UBE2Z: variants seen among roughly 807,000 people sequenced by gnomAD.
UBE2Z encodes the protein ubiquitin-conjugating enzyme E2 Z.
UBE2Z carries 10 observed loss-of-function variants against 32.6 expected under a neutral mutation model. The ratio of observed to expected loss-of-function variants is 0.31; its 90% CI spans 0.19 to 0.52. The LOEUF (loss-of-function observed/expected upper bound fraction) is 0.52. UBE2Z is among the 20% of genes least tolerant of loss of function. The probability of loss-of-function intolerance (pLI) is 0.97; values close to 1 mark genes in which losing one functional copy is unlikely to be tolerated. For missense variants in UBE2Z, 343 were observed against 480.9 expected, an observed-to-expected ratio of 0.71 and a Z score of 2.68; for synonymous variants, 183 against 190.8, an observed-to-expected ratio of 0.96 and a Z score of 0.34.
chr17:48,927,328 G>A lies in UBE2Z; in HGVS notation c.*194G>A. The A allele has an allele frequency of 1.7e-6, 1 of 596,230 alleles. No individual in the cohort carries two copies. Among genetic ancestry groups the A allele is most frequent in the Non-Finnish European group, 2.9e-6 (1 of 342,030 alleles). 36.9% of individuals were successfully genotyped at this position (596,230 alleles called of 1,614,324 possible). On this transcript the variant is annotated 3_prime_UTR_variant, in exon 7 of 7. Coordinates refer to ENST00000360943, the MANE Select transcript of UBE2Z (RefSeq NM_023079.5). The stretch of plus-strand genomic sequence containing the variant: ...TCCCGGTCTGACCTCCTTGGCACTG[G>A]AGCATCTGGGGCTTCGTTCATCCAT...
intron 3 of UBE2Z, among the ~76,000 whole-genome samples, chr17:48,915,148 C>T (rs1024819567): frequency 3.3e-5 from 5 of 151,954 alleles, no homozygotes; most frequent in Admixed American, 2.6e-4. Flanking sequence ...AGAAATTTAA[C>T]GAGAGTTGAC....
At position 48,928,226 on chromosome 17, in the gene UBE2Z, C is replaced by T. The variant is rs1057902; in HGVS notation, c.*1092C>T. ...CTCCTCCCCTTCTTTCTCTTCCTTC[C>T]GCCTCCCCCGTGCCCCCAGCTGCTC... On this transcript the variant is annotated 3_prime_UTR_variant, in exon 7 of 7. Transcript: ENST00000360943. 61,648 of 152,148 alleles carry T rather than the reference C, an allele frequency of 0.41. 14,960 individuals are homozygous for T. Among genetic ancestry groups the T allele is most frequent in the East Asian group, 0.7 (3,626 of 5,160 alleles). 9.4% of individuals were successfully genotyped at this position (152,148 alleles called of 1,614,324 possible). A position where few individuals can be genotyped will look rare whatever the true frequency, so the allele number is the denominator to read the frequency against.
intron 6 of UBE2Z, among the ~76,000 whole-genome samples, chr17:48,924,678 T>C (rs1191952438): frequency 6.6e-6 from 1 of 151,502 alleles, no homozygotes; most frequent in African/African-American, 2.4e-5. Context: ...AAACCCCATC[T>C]CTACTAAAAA....
intron 4 of UBE2Z, among the ~76,000 whole-genome samples, chr17:48,920,231 A>T (rs919630297): frequency 1.3e-5 from 2 of 152,152 alleles, no homozygotes; most frequent in Non-Finnish European, 2.9e-5. Context: ...GCGGTGGCTC[A>T]TGCCTGTAAT....
At chr17:48,912,600 T>G (rs1010641732) in intron 2 of UBE2Z, 1 of 499,982 alleles carries the variant, frequency 2.0e-6, no homozygotes, top group South Asian at 3.0e-5. Context: ...GGCTCTAACT[T>G]TAGAAGTAAC....
Position 48,928,396 on chromosome 17 carries a change from C to G in UBE2Z, c.*1262C>G, listed in dbSNP as rs530352744. On this transcript the variant is annotated 3_prime_UTR_variant, in exon 7 of 7. Transcript: ENST00000360943. ...ATCCTGGGCATCAAGGGAATCCATC[C>G]TTCCCCTTTTTGATATGTTCTCCCC... 1.3e-5 allele frequency: 2 copies of G among 152,540 alleles called. No homozygotes were observed. The highest frequency in any genetic ancestry group is 2.9e-5 in the Non-Finnish European group (2 of 68,032). The allele number at this position is 152,540 out of a possible 1,614,324, so 9.4% of individuals were successfully genotyped here. A position where few individuals can be genotyped will look rare whatever the true frequency, so the allele number is the denominator to read the frequency against.
At chr17:48,923,191 T>G in intron 6 of UBE2Z, 1 of 304,732 alleles carries the variant, frequency 3.3e-6, no homozygotes, top group Middle Eastern at 1.1e-3. Flanking sequence ...CATCGTGGCG[T>G]GTACCTGTAG....
chr17:48,923,198 G>A (rs2040774792), intron 6 of UBE2Z: 4 of 274,150 alleles, frequency 1.5e-5, no homozygotes, highest in Non-Finnish European at 2.9e-5. Flanking sequence ...GCGTGTACCT[G>A]TAGTCCCATC....
chr17:48,919,599 T>C (rs1297344334), intron 4 of UBE2Z, among the ~76,000 whole-genome samples: 1 of 152,102 alleles, frequency 6.6e-6, no homozygotes, highest in East Asian at 1.9e-4. Flanking sequence ...ACCTCAGCCT[T>C]CTGAGTAGCT....
rs2040756492 is a variant in UBE2Z at position 48,921,253 on chromosome 17, C to A, written c.784C>A (p.Pro262Thr). The change falls in exon 5 of 7, where the codon CCC becomes ACC. Residue 262 changes from proline to threonine, a missense_variant. Pro to Thr is a conservative substitution (Grantham distance 38). This residue lies in a region of UBE2Z where 182 missense variants were observed against 312.4 expected (regional missense o/e 0.58). Coordinates refer to ENST00000360943, the MANE Select transcript of UBE2Z (RefSeq NM_023079.5). ...AVCDMMEGKC[P>T]CPEPLRGVME... The stretch of plus-strand genomic sequence containing the variant: ...CTGTGACATGATGGAAGGAAAGTGT[C>A]CCTGTCCTGAACCCCTACGGTATGT... The A allele has an allele frequency of 6.2e-7, 1 of 1,611,948 alleles. No individual in the cohort carries two copies. The highest frequency in any genetic ancestry group is 8.5e-7 in the Non-Finnish European group (1 of 1,179,128).
intron 4 of UBE2Z, 71 bp downstream of exon 4, chr17:48,916,258 G>GTTTTTTTTGT: frequency 3.4e-5 from 14 of 415,724 alleles, no homozygotes; most frequent in South Asian, 5.1e-5. Context: ...TGGTTTTTTT[G>GTTTTTTTTGT]TTTTTTTTTT....
intron 4 of UBE2Z, among the ~76,000 whole-genome samples, chr17:48,919,588 C>T (rs941997690): frequency 1.3e-5 from 2 of 152,166 alleles, no homozygotes; most frequent in Non-Finnish European, 2.9e-5. Context: ...GCCATCCTCT[C>T]ACCTCAGCCT....
chr17:48,920,007 C>T (rs12950971), intron 4 of UBE2Z, among the ~76,000 whole-genome samples: 2 of 151,660 alleles, frequency 1.3e-5, no homozygotes, highest in Non-Finnish European at 2.9e-5. Flanking sequence ...GTAGTGAGAC[C>T]TTGTCTCTAC....
intron 2 of UBE2Z, chr17:48,911,117 G>T: frequency 2.0e-6 from 1 of 511,988 alleles, no homozygotes; most frequent in South Asian, 2.6e-5. Flanking sequence ...CCCAGTTCAT[G>T]TCTGTTGTCG....
At chr17:48,912,462 T>C (rs2040687188) in intron 2 of UBE2Z, 1 of 182,286 alleles carries the variant, frequency 5.5e-6, no homozygotes, top group African/African-American at 2.3e-5. Context: ...ATTATATTTT[T>C]CCACAGTGGT....
rs565905597 is a variant in UBE2Z at position 48,923,062 on chromosome 17, C to T, written c.894+125C>T. The T allele has an allele frequency of 3.4e-5, 29 of 853,100 alleles. No homozygotes were observed. The East Asian group carries it at 7.9e-4, about 23-fold the overall frequency. The allele number at this position is 853,100 out of a possible 1,614,324, so 52.8% of individuals were successfully genotyped here. ...TAAGCCTGGGTTCAGTGGCTCATGCCTGTAATCCCAGCACTTTGGGAGGCC... is the reference window on the plus strand; with the variant it reads ...TAAGCCTGGGTTCAGTGGCTCATGCTTGTAATCCCAGCACTTTGGGAGGCC... On this transcript the variant is annotated intron_variant, in intron 6 of 6. Coordinates refer to ENST00000360943, the MANE Select transcript of UBE2Z (RefSeq NM_023079.5).
intron 6 of UBE2Z, among the ~76,000 whole-genome samples, chr17:48,923,399 G>A (rs1049624388): frequency 3.3e-5 from 5 of 151,826 alleles, no homozygotes; most frequent in African/African-American, 1.2e-4. Flanking sequence ...GGGAGGCTGA[G>A]GTGGGCAGAT....
rs2040759270 is a variant in UBE2Z at position 48,921,647 on chromosome 17, TAGG to T, written c.803+378_803+380del. On this transcript the variant is annotated intron_variant, in intron 5 of 6. Coordinates refer to ENST00000360943, the MANE Select transcript of UBE2Z (RefSeq NM_023079.5). ...CGTCAGGGTTAAATAAATAAACTTC[TAGG>T]AGAATTTTGAGTAAGGTTTGGGATT... Among the ~76,000 whole-genome samples the T allele has an allele frequency of 2.6e-5, 4 of 152,300 alleles. No homozygotes were observed. In the South Asian group the frequency reaches 8.3e-4, roughly 32 times the overall value.
intron 4 of UBE2Z, 71 bp downstream of exon 4, chr17:48,916,258 G>GT (rs371253123): frequency 0.091 from 37,443 of 412,990 alleles, 111 homozygotes; most frequent in South Asian, 0.11. Context: ...TGGTTTTTTT[G>GT]TTTTTTTTTT....
Sources: gnomAD v4.1 joint callset for allele counts (sites outside exome capture counted in the v4.1 genomes callset) on GRCh38, gnomAD v4.1.1 for gene constraint, gnomAD v4.1.1 regional missense constraint, MANE v1.5 for transcripts, NCBI Gene and HGNC (gene_info 2026-07-23, HGNC 2026-07-21) for gene names.